Variants in INPP5A observed in about 807,000 individuals in gnomAD.
The protein encoded by INPP5A is inositol polyphosphate-5-phosphatase A.
INPP5A carries 14 observed loss-of-function variants against 65.2 expected under a neutral mutation model. The observed-to-expected ratio is 0.21, with a 90% CI of 0.14 to 0.34. INPP5A has a LOEUF of 0.34. INPP5A is among the 10% of genes least tolerant of loss of function. The pLI is 1.00. For missense variants in INPP5A, 431 were observed against 545.6 expected, an observed-to-expected ratio of 0.79 and a Z score of 2.09; for synonymous variants, 207 against 208.3, an observed-to-expected ratio of 0.99 and a Z score of 0.05.
intron 4 of INPP5A, among the ~76,000 whole-genome samples, chr10:132,687,047 C>T (rs1028521610): frequency 6.6e-6 from 1 of 152,240 alleles, no homozygotes; most frequent in South Asian, 2.1e-4. Context: ...CAGGTTCAAG[C>T]AATTCTCCTG....
chr10:132,778,950 C>T (rs577240008), intron 13 of INPP5A, among the ~76,000 whole-genome samples: 12 of 152,368 alleles, frequency 7.9e-5, no homozygotes, highest in African/African-American at 2.9e-4. Flanking sequence ...GTGGCTCTGT[C>T]TGCCGGGCCG....
At chr10:132,765,282 T>C (rs1294130824) in intron 11 of INPP5A, among the ~76,000 whole-genome samples, 1 of 152,220 alleles carries the variant, frequency 6.6e-6, no homozygotes, top group Non-Finnish European at 1.5e-5. Context: ...CATGTGAGAA[T>C]GAACATTTTG....
At chr10:132,639,273 G>C (rs1439609687) in intron 2 of INPP5A, among the ~76,000 whole-genome samples, 1 of 151,204 alleles carries the variant, frequency 6.6e-6, no homozygotes, top group Non-Finnish European at 1.5e-5. Context: ...TCATTCCTGA[G>C]GGATATTTTC....
chr10:132,763,678 C>T (rs983885302), intron 11 of INPP5A, among the ~76,000 whole-genome samples: 6 of 150,712 alleles, frequency 4.0e-5, no homozygotes, highest in Non-Finnish European at 7.4e-5. Context: ...CACATAAACA[C>T]GTGCCTGCAT....
intron 4 of INPP5A, among the ~76,000 whole-genome samples, chr10:132,658,963 T>C (rs543959260): frequency 6.6e-6 from 1 of 152,106 alleles, no homozygotes; most frequent in African/African-American, 2.4e-5. Context: ...TCGTGGGTGC[T>C]CAACAGGCTG....
intron 2 of INPP5A, among the ~76,000 whole-genome samples, chr10:132,640,578 T>C (rs1010107677): frequency 2.6e-5 from 4 of 152,228 alleles, no homozygotes; most frequent in African/African-American, 9.6e-5. Context: ...AGGCTCTGAC[T>C]CCCGGCGCTG....
At chr10:132,584,962 T>TC (rs1180278483) in intron 1 of INPP5A, among the ~76,000 whole-genome samples, 1 of 152,222 alleles carries the variant, frequency 6.6e-6, no homozygotes. Context: ...GCCTCAGGCC[T>TC]CCCAAAGTGC....
intron 7 of INPP5A, among the ~76,000 whole-genome samples, chr10:132,709,017 A>G (rs1845588253): frequency 6.6e-6 from 1 of 151,834 alleles, no homozygotes; most frequent in South Asian, 2.1e-4. Context: ...CTGCCATGTA[A>G]CAGACCGCCC....
chr10:132,712,043 T>C (rs1845645892), intron 8 of INPP5A, among the ~76,000 whole-genome samples: 1 of 152,174 alleles, frequency 6.6e-6, no homozygotes, highest in South Asian at 2.1e-4. Flanking sequence ...GAGAGTCCTA[T>C]GAGAGGCACC....
intron 4 of INPP5A, among the ~76,000 whole-genome samples, chr10:132,662,882 T>C (rs961957096): frequency 6.6e-6 from 1 of 152,208 alleles, no homozygotes; most frequent in Non-Finnish European, 1.5e-5. Flanking sequence ...AGTCTCCTAA[T>C]TGTGGTGATG....
At chr10:132,754,920 T>C (rs1170251055) in intron 11 of INPP5A, among the ~76,000 whole-genome samples, 3 of 152,134 alleles carry the variant, frequency 2.0e-5, no homozygotes, top group African/African-American at 7.2e-5. Flanking sequence ...TGTAGGAGTA[T>C]GCATGAGTGT....
chr10:132,598,485 G>C (rs1043756033), intron 1 of INPP5A, among the ~76,000 whole-genome samples: 1 of 152,168 alleles, frequency 6.6e-6, no homozygotes, highest in African/African-American at 2.4e-5. Flanking sequence ...ACATGAGTGC[G>C]ATCATACATT....
At chr10:132,737,500 G>T (rs1293105101) in intron 9 of INPP5A, among the ~76,000 whole-genome samples, 4 of 152,252 alleles carry the variant, frequency 2.6e-5, no homozygotes, top group Non-Finnish European at 5.9e-5. Context: ...CTTACCTGGG[G>T]ACCCAGTGTG....
In INPP5A at chr10:132,659,373, A is replaced by G. The variant is rs2072704875; in HGVS notation, c.306+8868A>G. Among the ~76,000 whole-genome samples the G allele has an allele frequency of 6.6e-6, 1 of 152,196 alleles. No individual in the cohort carries two copies. Among genetic ancestry groups the G allele is most frequent in the African/African-American group, 2.4e-5 (1 of 41,458 alleles). ...GTCCTGGCCATCTAGCCATGGGACC[A>G]TGGGCAGAGGGTTCCCTAGCTCTGG... On this transcript the variant is annotated intron_variant, in intron 4 of 15. Coordinates refer to ENST00000368594, the MANE Select transcript of INPP5A (RefSeq NM_005539.5). This position sits in a 1 kb window ranked among gnomAD's most constrained non-coding sequence, Gnocchi z 5.5.
At position 132,724,941 on chromosome 10, in the gene INPP5A, C is replaced by T. The variant is rs1193071243; in HGVS notation, c.648-1880C>T. On this transcript the variant is annotated intron_variant, in intron 8 of 15. Transcript: ENST00000368594. ...CACAGACGGGGATCACTCTCCAGAACTCACGGGGAGACCCCAGGACGACAG... is the reference window on the plus strand; with the variant it reads ...CACAGACGGGGATCACTCTCCAGAATTCACGGGGAGACCCCAGGACGACAG... Among the ~76,000 whole-genome samples, 5 of 151,226 alleles carry T rather than the reference C, an allele frequency of 3.3e-5. No individual in the cohort carries two copies. The East Asian group carries it at 9.8e-4, about 30-fold the overall frequency.
At chr10:132,777,998 G>C in intron 13 of INPP5A, 1 of 1,322,842 alleles carries the variant, frequency 7.6e-7, no homozygotes, top group Non-Finnish European at 1.0e-6. Context: ...ATGGAGCCGA[G>C]TTCCTGGGCC....
At chr10:132,643,944 G>A (rs1267340691) in intron 2 of INPP5A, among the ~76,000 whole-genome samples, 2 of 152,108 alleles carry the variant, frequency 1.3e-5, no homozygotes, top group East Asian at 3.9e-4. Flanking sequence ...ATGCCAGGGA[G>A]GCGTGGCAGA....
chr10:132,670,464 A>C (rs1590912056), intron 4 of INPP5A, among the ~76,000 whole-genome samples: 1 of 25,192 alleles, frequency 4.0e-5, no homozygotes, highest in Non-Finnish European at 7.5e-5. Context: ...CACAGCCCCC[A>C]TCTTCAGCCT....
chr10:132,579,711 T>C (rs773514612), intron 1 of INPP5A, among the ~76,000 whole-genome samples: 3 of 152,134 alleles, frequency 2.0e-5, no homozygotes, highest in Non-Finnish European at 4.4e-5. Flanking sequence ...GATGATACTC[T>C]GGTGCTGCCC....
Sources: allele counts gnomAD v4.1 joint callset (sites outside exome capture counted in the v4.1 genomes callset), GRCh38; gene constraint gnomAD v4.1.1; non-coding constraint Gnocchi (gnomAD v3.1); transcripts MANE v1.5; gene names NCBI Gene and HGNC (gene_info 2026-07-23, HGNC 2026-07-21).